LRMDA: variants seen among roughly 807,000 people sequenced by gnomAD.
LRMDA encodes leucine-rich melanocyte differentiation-associated protein.
A neutral mutation model predicts 29.8 loss-of-function variants in LRMDA; 18 were observed. That is an observed-to-expected ratio of 0.60 (90% CI 0.42 to 0.90). The LOEUF is 0.90. Among genes scored for constraint, LRMDA ranks in the 40% least tolerant of loss-of-function variants. LRMDA has a pLI of 0.00. For synonymous variants in LRMDA, 125 were observed against 109.4 expected, an observed-to-expected ratio of 1.14 and a Z score of -0.89; for missense variants, 273 against 273.9, an observed-to-expected ratio of 1.00 and a Z score of 0.02.
rs1851792645 is a variant in LRMDA, at chr10:76,219,613, T to A, written c.517-104788T>A. Among the ~76,000 whole-genome samples the A allele has an allele frequency of 4.6e-5, 7 of 152,266 alleles. No homozygotes were observed. In the South Asian group the frequency reaches 1.5e-3, roughly 32 times the overall value. On this transcript the variant is annotated intron_variant, in intron 5 of 6. Transcript: ENST00000611255. ...TAATACAGGAGCACCCAGATTCATA[T>A]AGCAAGTCCTGAGTGACCTACAAAG...
At chr10:76,304,074 G>A (rs1840518420) in intron 5 of LRMDA, among the ~76,000 whole-genome samples, 1 of 152,100 alleles carries the variant, frequency 6.6e-6, no homozygotes, top group Non-Finnish European at 1.5e-5. Context: ...AGTGACTAAT[G>A]GTGTGCGTAC....
At chr10:75,809,152 G>A (rs1316052188) in intron 2 of LRMDA, among the ~76,000 whole-genome samples, 4 of 152,196 alleles carry the variant, frequency 2.6e-5, no homozygotes, top group African/African-American at 7.2e-5. Context: ...CCAGAGCTGA[G>A]TGTGTCCTGT....
chr10:75,954,525 G>A (rs1329498750), intron 2 of LRMDA, among the ~76,000 whole-genome samples: 2 of 152,188 alleles, frequency 1.3e-5, no homozygotes, highest in African/African-American at 4.8e-5. Flanking sequence ...ACTTCTGAAA[G>A]AAAGCTGCTG....
At position 75,893,749 on chromosome 10, in the gene LRMDA, G is replaced by A. The variant is rs188440948; in HGVS notation, c.132-142259G>A. On this transcript the variant is annotated intron_variant, in intron 2 of 6. Transcript: ENST00000611255. ...AGGTGTTCAAGACCAGCCTGGCCAC[G>A]ATGGGGAAACCCCATCTCTACTAAA... Among the ~76,000 whole-genome samples the A allele has an allele frequency of 4.3e-3, 650 of 152,068 alleles. 3 individuals are homozygous for A. The highest frequency in any genetic ancestry group is 0.015 in the African/African-American group (612 of 41,498).
At chr10:75,895,812 G>C (rs1845571861) in intron 2 of LRMDA, among the ~76,000 whole-genome samples, 1 of 152,180 alleles carries the variant, frequency 6.6e-6, no homozygotes, top group Non-Finnish European at 1.5e-5. Flanking sequence ...GATAGCATAG[G>C]AAATTGCCAT....
chr10:75,943,958 T>C (rs916044832), intron 2 of LRMDA, among the ~76,000 whole-genome samples: 1 of 152,206 alleles, frequency 6.6e-6, no homozygotes, highest in African/African-American at 2.4e-5. Flanking sequence ...TTGAAAGAAA[T>C]TGAAAGAAGT....
chr10:76,354,669 C>A (rs1367343374), intron 6 of LRMDA, among the ~76,000 whole-genome samples: 1 of 152,048 alleles, frequency 6.6e-6, no homozygotes, highest in African/African-American at 2.4e-5. Context: ...TATAAAAAAC[C>A]TGTCTATACT....
At chr10:76,238,122 C>T (rs141827789) in intron 5 of LRMDA, among the ~76,000 whole-genome samples, 11 of 152,138 alleles carry the variant, frequency 7.2e-5, no homozygotes, top group South Asian at 2.1e-4. Flanking sequence ...GTCTCCTCTA[C>T]GCGAGGTCTT....
chr10:75,844,326 C>T (rs1028250124), intron 2 of LRMDA, among the ~76,000 whole-genome samples: 4 of 152,140 alleles, frequency 2.6e-5, no homozygotes, highest in South Asian at 2.1e-4. Context: ...GGAGGACAGG[C>T]GAGAACTATT....
chr10:75,769,983 A>C (rs1213762331), intron 2 of LRMDA, among the ~76,000 whole-genome samples: 2 of 149,942 alleles, frequency 1.3e-5, no homozygotes, highest in Non-Finnish European at 3.0e-5. Flanking sequence ...ACTCTGTCTC[A>C]AAAAAAAATT....
intron 2 of LRMDA, among the ~76,000 whole-genome samples, chr10:75,999,406 T>C (rs1409055037): frequency 6.6e-6 from 1 of 152,216 alleles, no homozygotes; most frequent in Non-Finnish European, 1.5e-5. Flanking sequence ...GGGAGGAAAA[T>C]AAAGCCAGGT....
chr10:76,476,369 A>G (rs772890552), intron 6 of LRMDA, among the ~76,000 whole-genome samples: 2 of 152,186 alleles, frequency 1.3e-5, no homozygotes, highest in Admixed American at 1.3e-4. Flanking sequence ...AAATCACTTA[A>G]TAGACCAAAA....
intron 2 of LRMDA, among the ~76,000 whole-genome samples, chr10:75,727,276 A>G (rs1257335771): frequency 5.9e-5 from 9 of 152,204 alleles, no homozygotes; most frequent in Non-Finnish European, 1.5e-5. Context: ...ATGAAAGGTC[A>G]GCATGACAAA....
intron 6 of LRMDA, among the ~76,000 whole-genome samples, chr10:76,522,354 G>A (rs1843129931): frequency 6.6e-6 from 1 of 152,118 alleles, no homozygotes; most frequent in African/African-American, 2.4e-5. Context: ...AACTATAATT[G>A]AAGTACCCTA....
At chr10:76,330,275 C>T (rs995226145) in intron 6 of LRMDA, among the ~76,000 whole-genome samples, 7 of 151,860 alleles carry the variant, frequency 4.6e-5, no homozygotes, top group African/African-American at 1.5e-4. Context: ...GATGGGGGGG[C>T]CTTTAGAAAT....
intron 2 of LRMDA, among the ~76,000 whole-genome samples, chr10:75,856,131 A>G (rs1844821866): frequency 6.6e-6 from 1 of 152,148 alleles, no homozygotes; most frequent in South Asian, 2.1e-4. Context: ...TGGGGATGGC[A>G]TTGAATCTAT....
At chr10:75,828,959 G>A (rs1844292533) in intron 2 of LRMDA, among the ~76,000 whole-genome samples, 1 of 152,180 alleles carries the variant, frequency 6.6e-6, no homozygotes, top group Non-Finnish European at 1.5e-5. Context: ...AGCTGTCCCT[G>A]CCGTTGAGCC....
At chr10:76,406,801 A>G (rs1169368310) in intron 6 of LRMDA, among the ~76,000 whole-genome samples, 1 of 152,118 alleles carries the variant, frequency 6.6e-6, no homozygotes, top group Non-Finnish European at 1.5e-5. Flanking sequence ...ATGAAACCTT[A>G]TTATTGGTCC....
intron 2 of LRMDA, among the ~76,000 whole-genome samples, chr10:75,638,067 T>C (rs978424684): frequency 3.9e-5 from 6 of 152,136 alleles, no homozygotes; most frequent in African/African-American, 1.4e-4. Context: ...TTTTAACCTT[T>C]GAAACTATTT....
Sources: allele counts gnomAD v4.1 joint callset (sites outside exome capture counted in the v4.1 genomes callset), GRCh38; gene constraint gnomAD v4.1.1; transcripts MANE v1.5; gene names NCBI Gene and HGNC (gene_info 2026-07-23, HGNC 2026-07-21).